Variants in DNAJC3 observed in about 807,000 individuals in gnomAD.
DNAJC3 encodes the protein DnaJ heat shock protein family (Hsp40) member C3, also known as dnaJ homolog subfamily C member 3.
A neutral mutation model predicts 68.6 loss-of-function variants in DNAJC3; 38 were observed. The observed-to-expected ratio is 0.55, with a 90% CI of 0.43 to 0.73. DNAJC3 has a LOEUF of 0.73. Ranked by LOEUF, DNAJC3 falls within the 30% of genes least tolerant of loss-of-function variation. The pLI is 0.00. For synonymous variants in DNAJC3, 203 were observed against 204.0 expected, an observed-to-expected ratio of 1.00 and a Z score of 0.04; for missense variants, 526 against 591.9, an observed-to-expected ratio of 0.89 and a Z score of 1.16.
chr13:95,681,154 AGTG>A (rs1879899680), intron 1 of DNAJC3, among the ~76,000 whole-genome samples: 1 of 152,170 alleles, frequency 6.6e-6, no homozygotes, highest in Admixed American at 6.5e-5. Context: ...CTTTAGACTG[AGTG>A]GTCCATTATT....
intron 2 of DNAJC3, among the ~76,000 whole-genome samples, chr13:95,710,225 T>C (rs1880911760): frequency 8.0e-6 from 1 of 124,438 alleles, no homozygotes; most frequent in Non-Finnish European, 1.6e-5. Context: ...TTTCTCTCCT[T>C]TTCTTTTCTT....
At chr13:95,766,810 C>T (rs910159101) in intron 9 of DNAJC3, among the ~76,000 whole-genome samples, 6 of 151,826 alleles carry the variant, frequency 4.0e-5, no homozygotes, top group South Asian at 2.1e-4. Flanking sequence ...AAGCAATTCT[C>T]CTGCCTCAGC....
chr13:95,735,819 A>C (rs1881894916), intron 4 of DNAJC3, among the ~76,000 whole-genome samples: 1 of 152,072 alleles, frequency 6.6e-6, no homozygotes, highest in Non-Finnish European at 1.5e-5. Context: ...GAAGCTCTTT[A>C]GTTTAATTAG....
intron 2 of DNAJC3, among the ~76,000 whole-genome samples, chr13:95,722,788 C>G: frequency 7.7e-6 from 1 of 129,350 alleles, no homozygotes; most frequent in Non-Finnish European, 1.6e-5. Flanking sequence ...CCACTGCGCT[C>G]CAACCTGGGT....
At chr13:95,754,892 C>T (rs547216036) in intron 4 of DNAJC3, among the ~76,000 whole-genome samples, 43 of 152,172 alleles carry the variant, frequency 2.8e-4, no homozygotes, top group Admixed American at 2.6e-4. Context: ...GCCCCCATCC[C>T]GTAGCTATTA....
chr13:95,761,635 A>ACTT (rs1882823448), intron 7 of DNAJC3, among the ~76,000 whole-genome samples: 1 of 152,200 alleles, frequency 6.6e-6, no homozygotes, highest in East Asian at 1.9e-4. Context: ...TTGCCCTTAT[A>ACTT]GCCACACCTA....
chr13:95,764,677 TATATATACACAC>T (rs1201238875), intron 9 of DNAJC3, among the ~76,000 whole-genome samples: 2 of 122,808 alleles, frequency 1.6e-5, no homozygotes, highest in African/African-American at 7.3e-5. Flanking sequence ...TATATATATA[TATATATACACAC>T]ACACACATAT....
chr13:95,684,590 T>C (rs963879755), intron 1 of DNAJC3, among the ~76,000 whole-genome samples: 2 of 152,218 alleles, frequency 1.3e-5, no homozygotes, highest in African/African-American at 4.8e-5. Context: ...TTTGCATAAG[T>C]AAAGAGGAGC....
At chr13:95,752,070 C>G (rs1392602942) in intron 4 of DNAJC3, among the ~76,000 whole-genome samples, 1 of 152,176 alleles carries the variant, frequency 6.6e-6, no homozygotes, top group Admixed American at 6.5e-5. Flanking sequence ...CAAACCACAT[C>G]AATTAGCTAT....
chr13:95,701,818 A>G (rs1408369309), intron 1 of DNAJC3, among the ~76,000 whole-genome samples: 1 of 152,200 alleles, frequency 6.6e-6, no homozygotes, highest in Non-Finnish European at 1.5e-5. Flanking sequence ...TAGGTGCTTT[A>G]ACTTGTGCCC....
At chr13:95,688,588 T>C (rs550149280) in intron 1 of DNAJC3, among the ~76,000 whole-genome samples, 1 of 151,894 alleles carries the variant, frequency 6.6e-6, no homozygotes, top group African/African-American at 2.4e-5. Context: ...CTATCTCGGC[T>C]CACTGCAACC....
chr13:95,718,790 C>A (rs73550574), intron 2 of DNAJC3, among the ~76,000 whole-genome samples: 4,552 of 152,302 alleles, frequency 0.03, 235 homozygotes, highest in African/African-American at 0.1. Context: ...ATATTCTCCC[C>A]GTGCAGAATT....
Position 95,723,308 on chromosome 13 carries a change from C to A in DNAJC3, c.260C>A (p.Ser87Ter), listed in dbSNP as rs1377017998. The change falls in exon 3 of 12, where the codon TCA (serine) becomes TAA (stop). Residue 87 changes from serine to a stop codon, truncating the protein, a stop_gained. Transcript: ENST00000602402. LOFTEE classifies it high-confidence loss of function. Reference sequence around the variant, plus strand: ...ACTGTCTTTTTAGCTATGGGCAAATCAAAAGCTGCACTTCCTGATTTAACT... The same window carrying A: ...ACTGTCTTTTTAGCTATGGGCAAATAAAAAGCTGCACTTCCTGATTTAACT... ...RATVFLAMGK[S>*]KAALPDLTKV... 5 of 1,611,448 alleles carry A rather than the reference C, an allele frequency of 3.1e-6. No individual in the cohort carries two copies. Among genetic ancestry groups the A allele is most frequent in the Non-Finnish European group, 3.4e-6 (4 of 1,178,010 alleles).
chr13:95,788,770 C>T (rs17878702), intron 11 of DNAJC3, among the ~76,000 whole-genome samples: 1,940 of 152,318 alleles, frequency 0.013, 39 homozygotes, highest in African/African-American at 0.045. Context: ...ACCCCCACCC[C>T]TACGGAGAGT....
intron 4 of DNAJC3, among the ~76,000 whole-genome samples, chr13:95,729,847 ATTAT>A (rs1446596194): frequency 1.3e-5 from 2 of 151,712 alleles, no homozygotes; most frequent in Non-Finnish European, 2.9e-5. Flanking sequence ...TTTAAATGGG[ATTAT>A]TTGTTTTCTT....
intron 4 of DNAJC3, among the ~76,000 whole-genome samples, chr13:95,726,352 T>C (rs575262882): frequency 3.9e-5 from 6 of 152,372 alleles, no homozygotes; most frequent in Non-Finnish European, 8.8e-5. Flanking sequence ...TCCTGACTTT[T>C]TAATGATTGC....
chr13:95,738,194 G>T (rs1331520845), intron 4 of DNAJC3, among the ~76,000 whole-genome samples: 1 of 148,506 alleles, frequency 6.7e-6, no homozygotes, highest in African/African-American at 2.5e-5. Context: ...GAGATAGTTT[G>T]TTATAATTTC....
chr13:95,784,787 G>A (rs1250598923), intron 9 of DNAJC3, among the ~76,000 whole-genome samples: 1 of 152,036 alleles, frequency 6.6e-6, no homozygotes, highest in Non-Finnish European at 1.5e-5. Flanking sequence ...CTGCATATTA[G>A]ATACCCAGAT....
At chr13:95,730,661 T>C (rs1230237469) in intron 4 of DNAJC3, among the ~76,000 whole-genome samples, 1 of 152,226 alleles carries the variant, frequency 6.6e-6, no homozygotes, top group Non-Finnish European at 1.5e-5. Flanking sequence ...ATCTGTTCCA[T>C]TGATGTATGT....
Sources: gnomAD v4.1 joint callset for allele counts (sites outside exome capture counted in the v4.1 genomes callset) on GRCh38, gnomAD v4.1.1 for gene constraint, MANE v1.5 for transcripts, NCBI Gene and HGNC (gene_info 2026-07-23, HGNC 2026-07-21) for gene names.